The following SMIM13 variants were observed in gnomAD, a reference collection of about 807,000 sequenced individuals.
The protein encoded by SMIM13 is small integral membrane protein 13.
A neutral mutation model predicts 5.9 loss-of-function variants in SMIM13; 3 were observed. The observed-to-expected ratio is 0.51, with a 90% CI of 0.23 to 1.31. SMIM13 has a LOEUF of 1.31. Ranked by LOEUF, SMIM13 falls within the 40% of genes most tolerant of loss-of-function variation. The pLI is 0.18. For missense variants in SMIM13, 85 were observed against 109.9 expected (o/e 0.77, Z 1.01); for synonymous variants, 55 against 46.0 (o/e 1.19, Z -0.79).
intron 1 of SMIM13, among the ~76,000 whole-genome samples, chr6:11,097,203 C>T (rs1012356155): frequency 6.6e-6 from 1 of 152,156 alleles, no homozygotes; most frequent in African/African-American, 2.4e-5. Flanking sequence ...TTGATTTTCT[C>T]CTGAGGCTTC....
chr6:11,133,978 G>A (rs72825154), intron 1 of SMIM13, among the ~76,000 whole-genome samples: 4,283 of 151,966 alleles, frequency 0.028, 77 homozygotes, highest in South Asian at 0.073. Context: ...AAGTCCTGCT[G>A]TTTAAGGCCT....
At chr6:11,125,875 C>T (rs535153753) in intron 1 of SMIM13, among the ~76,000 whole-genome samples, 3 of 152,210 alleles carry the variant, frequency 2.0e-5, no homozygotes, top group African/African-American at 7.2e-5. Context: ...CTTTTCTCTA[C>T]GTTTGAGAAA....
Position 11,138,003 on chromosome 6 carries a change from A to G in SMIM13, c.*3401A>G, listed in dbSNP as rs949797364. The G allele has an allele frequency of 6.6e-6, 1 of 152,240 alleles. No individual in the cohort carries two copies. Among genetic ancestry groups the G allele is most frequent in the East Asian group, 1.9e-4 (1 of 5,204 alleles). 9.4% of individuals were successfully genotyped at this position (152,240 alleles called of 1,614,324 possible). Reference sequence around the variant, plus strand: ...TTCACAAAATATGATATCTTAAAACATGTTGAAAGATTTGAAAGTGGTGCA... The same window carrying G: ...TTCACAAAATATGATATCTTAAAACGTGTTGAAAGATTTGAAAGTGGTGCA... On this transcript the variant is annotated 3_prime_UTR_variant, in exon 2 of 2. Transcript: ENST00000416247.
chr6:11,108,785 C>G (rs1241915168), intron 1 of SMIM13, among the ~76,000 whole-genome samples: 2 of 152,178 alleles, frequency 1.3e-5, no homozygotes, highest in African/African-American at 2.4e-5. Context: ...GTGTTTCCTC[C>G]TAATATCTGG....
intron 1 of SMIM13, chr6:11,103,906 C>T (rs1758039319): frequency 5.2e-6 from 8 of 1,551,564 alleles, no homozygotes; most frequent in African/African-American, 2.7e-5. Context: ...TTTAACCAAC[C>T]CTGAGTGGCT....
chr6:11,101,742 C>CTTT (rs70991083), intron 1 of SMIM13, among the ~76,000 whole-genome samples: 3 of 139,256 alleles, frequency 2.2e-5, no homozygotes, highest in Non-Finnish European at 4.7e-5. Flanking sequence ...TTAAGCAATT[C>CTTT]TTTTTTTTTT....
chr6:11,122,580 G>C (rs189925800), intron 1 of SMIM13, among the ~76,000 whole-genome samples: 129 of 151,692 alleles, frequency 8.5e-4, no homozygotes, highest in Admixed American at 2.0e-3. Context: ...CCTTTTTGCA[G>C]TATGGACCAA....
At chr6:11,123,790 A>C (rs1036941575) in intron 1 of SMIM13, among the ~76,000 whole-genome samples, 3 of 152,176 alleles carry the variant, frequency 2.0e-5, no homozygotes, top group Admixed American at 6.5e-5. Context: ...ATCACCTCAA[A>C]CATTTATCAT....
chr6:11,094,323 A>G lies in SMIM13; in HGVS notation c.10A>G (p.Ser4Gly), dbSNP rs1185571450. Reference sequence around the variant, plus strand: ...CCCTTCTGCCCCCAAGATGTGGCACAGCGTCGGGCTGACTCTGCTTGTGTT... The same window carrying G: ...CCCTTCTGCCCCCAAGATGTGGCACGGCGTCGGGCTGACTCTGCTTGTGTT... Reference protein sequence around the residue: MWHSVGLTLLVFVA... With the variant: MWHGVGLTLLVFVA... The change falls in exon 1 of 2, where the codon AGC becomes GGC. Residue 4 changes from serine to glycine, a missense_variant. Coordinates refer to ENST00000416247, the MANE Select transcript of SMIM13 (RefSeq NM_001135575.2). 6.6e-7 allele frequency: 1 copy of G among 1,511,902 alleles called. No individual in the cohort carries two copies. 93.7% of individuals were successfully genotyped at this position (1,511,902 alleles called of 1,614,324 possible). A position where few individuals can be genotyped will look rare whatever the true frequency, so the allele number is the denominator to read the frequency against.
intron 1 of SMIM13, among the ~76,000 whole-genome samples, chr6:11,101,259 G>A (rs1317486687): frequency 6.6e-6 from 1 of 152,114 alleles, no homozygotes; most frequent in East Asian, 1.9e-4. Context: ...TTGGACCTGG[G>A]CTGATCTGTG....
chr6:11,134,816 C>A lies in SMIM13; in HGVS notation c.*214C>A. On this transcript the variant is annotated 3_prime_UTR_variant, in exon 2 of 2. Coordinates refer to ENST00000416247, the MANE Select transcript of SMIM13 (RefSeq NM_001135575.2). ...TAAAGATAATCTTTTGTTTCACCAG[C>A]TTTCTACTTATACACTTATTCCTTG... 2.6e-6 allele frequency: 1 copy of A among 384,744 alleles called. No homozygotes were observed. The highest frequency in any genetic ancestry group is 4.6e-6 in the Non-Finnish European group (1 of 218,822). 23.8% of individuals were successfully genotyped at this position (384,744 alleles called of 1,614,324 possible). A position where few individuals can be genotyped will look rare whatever the true frequency, so the allele number is the denominator to read the frequency against.
intron 1 of SMIM13, among the ~76,000 whole-genome samples, chr6:11,117,040 G>C (rs1360311135): frequency 7.6e-6 from 1 of 131,784 alleles, no homozygotes; most frequent in African/African-American, 2.9e-5. Context: ...TGCCAGGCTG[G>C]AGTGCAGTGG....
At chr6:11,117,418 G>T (rs1297132826) in intron 1 of SMIM13, among the ~76,000 whole-genome samples, 1 of 150,218 alleles carries the variant, frequency 6.7e-6, no homozygotes, top group South Asian at 2.1e-4. Context: ...CTCGTGATCC[G>T]CCTGCCTTGG....
At chr6:11,106,902 A>T (rs1027537584) in intron 1 of SMIM13, among the ~76,000 whole-genome samples, 1 of 152,228 alleles carries the variant, frequency 6.6e-6, no homozygotes, top group African/African-American at 2.4e-5. Context: ...CCTTCCAGAT[A>T]GCTGTGTGAG....
intron 1 of SMIM13, chr6:11,103,681 C>T (rs1758033271): frequency 6.5e-7 from 1 of 1,545,078 alleles, no homozygotes. Context: ...AGCGAGCAGT[C>T]TAGGGGTCCT....
At chr6:11,116,219 A>G (rs1758238114) in intron 1 of SMIM13, among the ~76,000 whole-genome samples, 1 of 151,958 alleles carries the variant, frequency 6.6e-6, no homozygotes, top group African/African-American at 2.4e-5. Context: ...GGGTTTCCCC[A>G]TGTTGGCCAG....
At chr6:11,096,701 TC>T (rs909751350) in intron 1 of SMIM13, among the ~76,000 whole-genome samples, 2 of 151,982 alleles carry the variant, frequency 1.3e-5, no homozygotes, top group African/African-American at 4.8e-5. Context: ...CTTTTTTTTT[TC>T]TTTTTTCTTT....
chr6:11,111,977 G>C (rs141652830), intron 1 of SMIM13, among the ~76,000 whole-genome samples: 2 of 152,158 alleles, frequency 1.3e-5, no homozygotes, highest in African/African-American at 2.4e-5. Flanking sequence ...TTCTTAGTGC[G>C]CATGCTTGAG....
chr6:11,109,969 C>T (rs879897632), intron 1 of SMIM13, among the ~76,000 whole-genome samples: 5 of 152,196 alleles, frequency 3.3e-5, no homozygotes, highest in Admixed American at 6.5e-5. Context: ...TTTTCCTTTG[C>T]GTATGGCAGT....
Sources: gnomAD v4.1 joint callset for allele counts (sites outside exome capture counted in the v4.1 genomes callset) on GRCh38, gnomAD v4.1.1 for gene constraint, MANE v1.5 for transcripts, NCBI Gene and HGNC (gene_info 2026-07-23, HGNC 2026-07-21) for gene names.